OTUD7A: variants seen among roughly 807,000 people sequenced by gnomAD.
OTUD7A encodes OTU deubiquitinase 7A.
OTUD7A carries 12 observed loss-of-function variants against 65.7 expected under a neutral mutation model. The observed-to-expected ratio is 0.18, with a 90% CI of 0.12 to 0.30. The LOEUF is 0.30. OTUD7A is among the 10% of genes least tolerant of loss of function. OTUD7A has a pLI of 1.00. For synonymous variants in OTUD7A, 641 were observed against 586.3 expected (o/e 1.09, Z -1.35); for missense variants, 1,148 against 1,304.8 (o/e 0.88, Z 1.85).
intron 5 of OTUD7A, among the ~76,000 whole-genome samples, chr15:31,552,490 AGAG>A (rs1161391614): frequency 6.6e-6 from 1 of 152,264 alleles, no homozygotes; most frequent in Non-Finnish European, 1.5e-5. Flanking sequence ...AAAAATTAGT[AGAG>A]GAGGCCATTT....
At chr15:31,562,623 T>G (rs1888728846) in intron 4 of OTUD7A, among the ~76,000 whole-genome samples, 1 of 152,016 alleles carries the variant, frequency 6.6e-6, no homozygotes, top group Admixed American at 6.5e-5. Context: ...TCCACCTTCA[T>G]GACAGTCATT....
chr15:31,818,280 C>T (rs769915037), intron 1 of OTUD7A, among the ~76,000 whole-genome samples: 3 of 152,140 alleles, frequency 2.0e-5, no homozygotes, highest in Admixed American at 6.5e-5. Context: ...TGATGCCAAA[C>T]ATTTTAACAC....
intron 1 of OTUD7A, among the ~76,000 whole-genome samples, chr15:31,674,860 T>G (rs1197289819): frequency 6.6e-6 from 1 of 152,120 alleles, no homozygotes; most frequent in Non-Finnish European, 1.5e-5. Context: ...CAAAACATAA[T>G]GCAAGAGGAC....
chr15:31,786,176 C>G (rs1895669837), intron 1 of OTUD7A, among the ~76,000 whole-genome samples: 1 of 152,160 alleles, frequency 6.6e-6, no homozygotes, highest in Admixed American at 6.5e-5. Context: ...GCTCTTCAAC[C>G]TTGGACTTCT....
At chr15:31,688,268 G>C (rs1892886037) in intron 1 of OTUD7A, among the ~76,000 whole-genome samples, 1 of 151,196 alleles carries the variant, frequency 6.6e-6, no homozygotes, top group Non-Finnish European at 1.5e-5. Context: ...AATGACCTTA[G>C]CCCAGTGAAC....
At chr15:31,486,658 C>T (rs2041241752) in intron 12 of OTUD7A, among the ~76,000 whole-genome samples, 1 of 152,220 alleles carries the variant, frequency 6.6e-6, no homozygotes. Context: ...CTCTCCTCAC[C>T]TTCCTGCCAG....
At chr15:31,758,343 C>T (rs1038313185) in intron 1 of OTUD7A, among the ~76,000 whole-genome samples, 2 of 152,186 alleles carry the variant, frequency 1.3e-5, no homozygotes, top group African/African-American at 4.8e-5. Context: ...GGCACACAGC[C>T]AAGAACGGCC....
chr15:31,526,356 C>T lies in OTUD7A; in HGVS notation c.886G>A (p.Gly296Ser), dbSNP rs1330395001. The T allele has an allele frequency of 6.3e-7, 1 of 1,594,326 alleles. No homozygotes were observed. Among genetic ancestry groups the T allele is most frequent in the East Asian group, 2.2e-5 (1 of 44,514 alleles). The change falls in exon 8 of 13, where the codon GGC becomes AGC. Residue 296 changes from glycine (G) to serine (S), a missense_variant. Gly to Ser is a moderately conservative substitution (Grantham distance 56). Transcript: ENST00000307050. ...AGCAGGGGCAGCACTTACCCCCCGC[C>T]CGTGCCGCCATTCTTGCTGAAGTGT... ...RTHFSKNGGT[G>S]GGVDNSEDPV...
chr15:31,754,016 T>C (rs1051831594), intron 1 of OTUD7A, among the ~76,000 whole-genome samples: 3 of 152,022 alleles, frequency 2.0e-5, no homozygotes, highest in Non-Finnish European at 4.4e-5. Flanking sequence ...ACTGCATCCA[T>C]GCCAACATCT....
At chr15:31,526,531 C>A in intron 7 of OTUD7A, 70 bp from the exon 8 acceptor site, 1 of 1,279,196 alleles carries the variant, frequency 7.8e-7, no homozygotes, top group Non-Finnish European at 1.1e-6. Context: ...CTCACCCTCC[C>A]AATCTGGACC....
intron 1 of OTUD7A, among the ~76,000 whole-genome samples, chr15:31,674,477 A>G (rs769648890): frequency 1.3e-5 from 2 of 152,228 alleles, no homozygotes; most frequent in Non-Finnish European, 2.9e-5. Flanking sequence ...AGCTTCTTAG[A>G]TGTTGTCCAC....
In OTUD7A at chr15:31,842,262, T is replaced by C. The variant is rs148926115; in HGVS notation, c.-100+28245A>G. On this transcript the variant is annotated intron_variant, in intron 1 of 12. Coordinates refer to ENST00000307050, the MANE Select transcript of OTUD7A (RefSeq NM_001382637.1). ...GGGCTCCTGCAGTGTGGGTGTGTTC[T>C]GTGTCCTGATCTAGGTGTGGATTAT... is the stretch of plus-strand genomic sequence containing the variant. Among the ~76,000 whole-genome samples, 1,098 of 152,374 alleles carry C rather than the reference T, an allele frequency of 7.2e-3. 4 individuals carry two copies. Among genetic ancestry groups the C allele is most frequent in the Non-Finnish European group, 0.012 (837 of 68,036 alleles).
rs537104433 is a variant in OTUD7A, at chr15:31,476,414, G to T, written c.*6880C>A. On this transcript the variant is annotated 3_prime_UTR_variant, in exon 13 of 13. Transcript: ENST00000307050. Reference sequence around the variant, plus strand: ...ATTCCTGCAAGCGGGAAGAATGTGTGCAAAGAGCTGGACAGCCCATAGGGC... The same window carrying T: ...ATTCCTGCAAGCGGGAAGAATGTGTTCAAAGAGCTGGACAGCCCATAGGGC... The T allele has an allele frequency of 2.0e-5, 3 of 152,418 alleles. No homozygotes were observed. Among genetic ancestry groups the T allele is most frequent in the East Asian group, 3.9e-4 (2 of 5,192 alleles). The allele number at this position is 152,418 out of a possible 1,614,324, so 9.4% of individuals were successfully genotyped here. A position where few individuals can be genotyped will look rare whatever the true frequency, so the allele number is the denominator to read the frequency against.
Position 31,487,345 on chromosome 15 carries a change from A to G in OTUD7A, c.1287-67T>C, listed in dbSNP as rs1039066111. 1.3e-6 allele frequency: 2 copies of G among 1,588,002 alleles called. No homozygotes were observed. Among genetic ancestry groups the G allele is most frequent in the African/African-American group, 2.7e-5 (2 of 74,342 alleles). On this transcript the variant is annotated intron_variant, in intron 11 of 12. Transcript: ENST00000307050. The surrounding 1 kb of genome is among the most constrained non-coding windows in gnomAD (Gnocchi z 6.0). ...CCCTTATAGCACCCAGTCCACTTGCATGCCAGCTGTCCCAGGAGGAGCAGG... is the reference window on the plus strand; with the variant it reads ...CCCTTATAGCACCCAGTCCACTTGCGTGCCAGCTGTCCCAGGAGGAGCAGG...
At chr15:31,495,106 G>A (rs1336904723) in intron 10 of OTUD7A, among the ~76,000 whole-genome samples, 1 of 152,162 alleles carries the variant, frequency 6.6e-6, no homozygotes, top group Non-Finnish European at 1.5e-5. Flanking sequence ...CAGGGCTCCT[G>A]AGGGGAGGCT....
intron 3 of OTUD7A, among the ~76,000 whole-genome samples, chr15:31,638,901 G>A (rs1458550914): frequency 5.3e-5 from 8 of 152,084 alleles, no homozygotes; most frequent in African/African-American, 1.2e-4. Context: ...TTGGGAGGCC[G>A]AGGTAGGCAA....
intron 1 of OTUD7A, chr15:31,767,716 A>C: frequency 1.4e-6 from 1 of 716,766 alleles, no homozygotes; most frequent in Non-Finnish European, 2.6e-6. Flanking sequence ...TTATTATTTC[A>C]TGTTTTATTT....
intron 4 of OTUD7A, among the ~76,000 whole-genome samples, chr15:31,562,821 C>G (rs1328875858): frequency 2.6e-5 from 4 of 152,132 alleles, no homozygotes; most frequent in African/African-American, 7.2e-5. Context: ...CATGAGTGAG[C>G]GTGGGGGTGT....
chr15:31,860,627 ATAT>A (rs377122866), intron 1 of OTUD7A, among the ~76,000 whole-genome samples: 70,264 of 106,400 alleles, frequency 0.66, 26,207 homozygotes, highest in East Asian at 0.82. Context: ...GTGGAGATAT[ATAT>A]ATATATATAT....
Sources: gnomAD v4.1 joint callset for allele counts (sites outside exome capture counted in the v4.1 genomes callset) on GRCh38, gnomAD v4.1.1 for gene constraint, Gnocchi (gnomAD v3.1) non-coding constraint, MANE v1.5 for transcripts, NCBI Gene and HGNC (gene_info 2026-07-23, HGNC 2026-07-21) for gene names.